Variants in TTC6 observed in about 807,000 individuals in gnomAD.
TTC6 encodes tetratricopeptide repeat protein 6.
In TTC6, 172 loss-of-function variants were observed where a neutral mutation model predicts 210.4. The observed-to-expected ratio is 0.82, with a 90% confidence interval of 0.72 to 0.93. The LOEUF (loss-of-function observed/expected upper bound fraction) is 0.93. Among genes scored for constraint, TTC6 ranks in the 40% least tolerant of loss-of-function variants. The pLI is 0.00. For missense variants in TTC6, 2,414 were observed against 2,318.1 expected, an observed-to-expected ratio of 1.04 and a Z score of -0.85; for synonymous variants, 804 against 819.6, an observed-to-expected ratio of 0.98 and a Z score of 0.32.
intron 10 of TTC6, among the ~76,000 whole-genome samples, chr14:37,745,316 A>G (rs1238460987): frequency 6.6e-6 from 1 of 152,212 alleles, no homozygotes; most frequent in Non-Finnish European, 1.5e-5. Flanking sequence ...TCTTTGTTTT[A>G]CACTGGTGAA....
intron 14 of TTC6, among the ~76,000 whole-genome samples, chr14:37,761,159 G>A (rs184238228): frequency 3.3e-4 from 50 of 152,226 alleles, no homozygotes; most frequent in African/African-American, 1.1e-3. Context: ...CACACAGGGA[G>A]TCTCCTGATC....
At chr14:37,706,268 C>T (rs917088782) in intron 5 of TTC6, among the ~76,000 whole-genome samples, 15 of 152,074 alleles carry the variant, frequency 9.9e-5, no homozygotes, top group African/African-American at 3.4e-4. Context: ...CACAGTTGAT[C>T]ACTTACTTTT....
chr14:37,775,257 C>G (rs770217318), intron 14 of TTC6, among the ~76,000 whole-genome samples: 1 of 152,038 alleles, frequency 6.6e-6, no homozygotes, highest in Non-Finnish European at 1.5e-5. Context: ...TTGGTTATTT[C>G]TTTTCTGCTA....
At chr14:37,734,241 A>T (rs1014992) in intron 7 of TTC6, among the ~76,000 whole-genome samples, 95,888 of 151,910 alleles carry the variant, frequency 0.63, 31,451 homozygotes, top group East Asian at 0.9. Context: ...ATGAAAGTTG[A>T]TTCCTTCCAC....
At chr14:37,756,524 A>G (rs2139070526) in intron 14 of TTC6, among the ~76,000 whole-genome samples, 1 of 152,284 alleles carries the variant, frequency 6.6e-6, no homozygotes, top group Non-Finnish European at 1.5e-5. Context: ...ACATTCCTTC[A>G]ATGCCTAGTT....
At chr14:37,683,002 T>G in intron 3 of TTC6, 38 bp downstream of exon 5, 1 of 1,518,496 alleles carries the variant, frequency 6.6e-7, no homozygotes, top group Non-Finnish European at 8.8e-7. Flanking sequence ...CTAAGAGTTA[T>G]GAGAATTGAG....
At chr14:37,760,367 AGGAACCTTTGTCCCAGAGGGGCACTG>A (rs2095980430) in intron 14 of TTC6, among the ~76,000 whole-genome samples, 2 of 152,172 alleles carry the variant, frequency 1.3e-5, no homozygotes, top group East Asian at 3.9e-4. Context: ...CTCCTTCCTC[AGGAACCTTTGTCCCAGAGGGGCACTG>A]GCCTGATTCC....
At chr14:37,722,539 T>TA (rs1475803039) in intron 6 of TTC6, among the ~76,000 whole-genome samples, 2 of 152,298 alleles carry the variant, frequency 1.3e-5, no homozygotes, top group East Asian at 3.9e-4. Flanking sequence ...TGTAGGGTCT[T>TA]ACTATGTTGC....
chr14:37,700,750 C>CAAAAAAAAAA lies in TTC6; in HGVS notation c.1377-567_1377-558dup, dbSNP rs35091344. Among the ~76,000 whole-genome samples, 5 of 62,274 alleles carry CAAAAAAAAAA rather than the reference C, an allele frequency of 8.0e-5. 2 individuals are homozygous for CAAAAAAAAAA. The highest frequency in any genetic ancestry group is 1.5e-4 in the African/African-American group (2 of 13,102). 40.9% of individuals were successfully genotyped at this position (62,274 alleles called of 152,430 possible). A position where few individuals can be genotyped will look rare whatever the true frequency, so the allele number is the denominator to read the frequency against. ...GGTGACAGAGTGAGACTCCATCTCACAAAAAAAAAAAAAAAAAAAAAAAAG... is the reference window on the plus strand; with the variant it reads ...GGTGACAGAGTGAGACTCCATCTCACAAAAAAAAAAAAAAAAAAAAAAAAAAAAAAAAAAG... On this transcript the variant is annotated intron_variant, in intron 4 of 30. Transcript: ENST00000553443.
chr14:37,639,887 A>C (rs1180803129), intron 1 of TTC6, among the ~76,000 whole-genome samples: 5 of 115,250 alleles, frequency 4.3e-5, no homozygotes, highest in Non-Finnish European at 9.2e-5. Context: ...CCCTGTCTTA[A>C]AAAAAAAAAA....
chr14:37,795,290 A>G (rs1356651434), exon 18 of TTC6: 3 of 1,532,402 alleles, frequency 2.0e-6, no homozygotes, highest in African/African-American at 2.7e-5. Flanking sequence ...TGAAAAAGGC[A>G]GTAAATGAAT....
chr14:37,823,234 C>T (rs1290044191), intron 26 of TTC6, among the ~76,000 whole-genome samples: 1 of 152,016 alleles, frequency 6.6e-6, no homozygotes, highest in Non-Finnish European at 1.5e-5. Flanking sequence ...TTTTTTCTCT[C>T]CCCTCCTCTC....
intron 7 of TTC6, among the ~76,000 whole-genome samples, chr14:37,727,546 GC>G (rs5807965): frequency 0.93 from 140,557 of 151,862 alleles, 65,111 homozygotes; most frequent in East Asian, 0.98. Flanking sequence ...GCCCGCCTTG[GC>G]CTCCCAAAGT....
chr14:37,826,062 G>GT, intron 27 of TTC6, 133 bp from the exon 30 acceptor site: 1 of 899,624 alleles, frequency 1.1e-6, no homozygotes, highest in Non-Finnish European at 1.6e-6. Context: ...CTACTTTCTG[G>GT]TTTGAAAGAA....
At chr14:37,749,153 A>G in exon 11 of TTC6, 1 of 1,535,420 alleles carries the variant, frequency 6.5e-7, no homozygotes, top group South Asian at 1.2e-5. Context: ...TGTAAAAGAG[A>G]AAGATGATAA....
intron 3 of TTC6, among the ~76,000 whole-genome samples, chr14:37,695,778 T>C (rs1449356103): frequency 1.3e-5 from 2 of 152,130 alleles, no homozygotes; most frequent in Admixed American, 1.3e-4. Context: ...TTATTATGCA[T>C]TACATGCCTG....
intron 1 of TTC6, among the ~76,000 whole-genome samples, chr14:37,676,034 CTTG>C (rs574019447): frequency 1.6e-3 from 250 of 152,056 alleles, no homozygotes; most frequent in Non-Finnish European, 2.7e-3. Context: ...CCAGAATATT[CTTG>C]TTGTATGTTA....
At chr14:37,802,169 A>T (rs984413053) in intron 20 of TTC6, 1 of 152,082 alleles carries the variant, frequency 6.6e-6, no homozygotes. Flanking sequence ...TGCATGTTAT[A>T]AATGGGAGCT....
chr14:37,683,864 A>G (rs1195701490), intron 3 of TTC6, among the ~76,000 whole-genome samples: 1 of 152,106 alleles, frequency 6.6e-6, no homozygotes, highest in African/African-American at 2.4e-5. Context: ...AAATAGATAT[A>G]TTATTAGCAT....
Sources: gnomAD v4.1 joint callset for allele counts (sites outside exome capture counted in the v4.1 genomes callset) on GRCh38, gnomAD v4.1.1 for gene constraint, MANE v1.5 for transcripts, NCBI Gene and HGNC (gene_info 2026-07-23, HGNC 2026-07-21) for gene names.